THEMIS: variants seen among roughly 807,000 people sequenced by gnomAD.
THEMIS encodes the protein protein THEMIS.
A neutral mutation model predicts 52.6 loss-of-function variants in THEMIS; 37 were observed. That is an observed-to-expected ratio of 0.70 (90% CI 0.54 to 0.93). The LOEUF is 0.93. Ranked by LOEUF, THEMIS falls within the 40% of genes least tolerant of loss-of-function variation. The pLI is 0.00. For synonymous variants in THEMIS, 292 were observed against 272.7 expected (o/e 1.07, Z -0.70); for missense variants, 808 against 763.1 (o/e 1.06, Z -0.69).
At chr6:127,917,334 G>A (rs1781548260) in intron 1 of THEMIS, among the ~76,000 whole-genome samples, 1 of 152,154 alleles carries the variant, frequency 6.6e-6, no homozygotes, top group African/African-American at 2.4e-5. Flanking sequence ...TATCAATTAG[G>A]ATCCTTTGGT....
intron 4 of THEMIS, among the ~76,000 whole-genome samples, chr6:127,804,544 T>A (rs540188856): frequency 6.6e-6 from 1 of 152,114 alleles, no homozygotes; most frequent in African/African-American, 2.4e-5. Flanking sequence ...TTACAAAAGA[T>A]TGAGATCAGT....
At chr6:127,730,318 G>GAAAAGAAAAAAA (rs1456074763) in intron 4 of THEMIS, among the ~76,000 whole-genome samples, 4 of 116,958 alleles carry the variant, frequency 3.4e-5, no homozygotes, top group African/African-American at 1.5e-4. Flanking sequence ...AAAGAAAAGA[G>GAAAAGAAAAAAA]AAAAAAAGAA....
chr6:127,717,259 A>G (rs1774201159), intron 5 of THEMIS, among the ~76,000 whole-genome samples: 1 of 151,902 alleles, frequency 6.6e-6, no homozygotes, highest in Admixed American at 6.6e-5. Context: ...AAATAAAGGA[A>G]TAGTCTTAAA....
intron 3 of THEMIS, among the ~76,000 whole-genome samples, chr6:127,819,311 T>C (rs1778253185): frequency 1.3e-5 from 2 of 151,830 alleles, no homozygotes; most frequent in East Asian, 1.9e-4. Context: ...CATAATATAA[T>C]ATCCAAGAAA....
At chr6:127,744,922 G>A (rs979276113) in intron 4 of THEMIS, among the ~76,000 whole-genome samples, 1 of 151,770 alleles carries the variant, frequency 6.6e-6, no homozygotes, top group African/African-American at 2.4e-5. Flanking sequence ...CCTTGATTGA[G>A]ATATAATTGT....
At chr6:127,860,993 A>G (rs1779780216) in intron 1 of THEMIS, among the ~76,000 whole-genome samples, 1 of 152,196 alleles carries the variant, frequency 6.6e-6, no homozygotes, top group African/African-American at 2.4e-5. Context: ...TATGAAATAA[A>G]TATCCCTCCT....
chr6:127,790,708 C>T (rs920052530), intron 4 of THEMIS, among the ~76,000 whole-genome samples: 2 of 152,148 alleles, frequency 1.3e-5, no homozygotes, highest in Non-Finnish European at 2.9e-5. Flanking sequence ...ACTCAGCTTG[C>T]GTGACAAACC....
intron 3 of THEMIS, among the ~76,000 whole-genome samples, chr6:127,819,078 C>T (rs1263301410): frequency 8.1e-6 from 1 of 123,342 alleles, no homozygotes; most frequent in Non-Finnish European, 1.6e-5. Flanking sequence ...CAAGATCATG[C>T]CACTGCACTC....
intron 4 of THEMIS, among the ~76,000 whole-genome samples, chr6:127,784,955 CTATCT>C (rs1776875777): frequency 1.3e-4 from 1 of 7,818 alleles, no homozygotes; most frequent in African/African-American, 4.2e-4. Flanking sequence ...GTCACACTAT[CTATCT>C]ATCTATCTAT....
chr6:127,752,586 T>A (rs146611987), intron 4 of THEMIS, among the ~76,000 whole-genome samples: 1 of 151,700 alleles, frequency 6.6e-6, no homozygotes, highest in Non-Finnish European at 1.5e-5. Context: ...AATTTATGCT[T>A]GCCCTCCTAG....
At chr6:127,740,211 G>A (rs192566251) in intron 4 of THEMIS, among the ~76,000 whole-genome samples, 200 of 152,142 alleles carry the variant, frequency 1.3e-3, no homozygotes, top group South Asian at 2.7e-3. Context: ...GGGCAGGTGG[G>A]AACAAAGGAC....
At chr6:127,713,504 A>G (rs1774054125) in intron 5 of THEMIS, among the ~76,000 whole-genome samples, 1 of 151,906 alleles carries the variant, frequency 6.6e-6, no homozygotes, top group African/African-American at 2.4e-5. Context: ...CTGCCTTCAT[A>G]GTGACCTTAT....
chr6:127,831,494 A>G lies in THEMIS; in HGVS notation c.251-1560T>C, dbSNP rs887127651. 1.8e-4 allele frequency among the ~76,000 whole-genome samples: 27 copies of G among 152,188 alleles called. 1 individual carries two copies. The highest frequency in any genetic ancestry group is 5.9e-5 in the Non-Finnish European group (4 of 68,012). On this transcript the variant is annotated intron_variant, in intron 2 of 5. Coordinates refer to ENST00000368248, the MANE Select transcript of THEMIS (RefSeq NM_001010923.3). ...TTAGTAAAATTATATAGCTTCAAAA[A>G]GTCATTTATTATTTTGTCAACAAGT...
intron 5 of THEMIS, among the ~76,000 whole-genome samples, chr6:127,711,167 A>T (rs1280255627): frequency 6.6e-6 from 1 of 151,398 alleles, no homozygotes; most frequent in Non-Finnish European, 1.5e-5. Flanking sequence ...ACTAACCTTT[A>T]TATGCCTCAT....
At chr6:127,782,521 G>A (rs978761828) in intron 4 of THEMIS, among the ~76,000 whole-genome samples, 4 of 152,194 alleles carry the variant, frequency 2.6e-5, no homozygotes, top group African/African-American at 9.6e-5. Flanking sequence ...TCATGACACA[G>A]TTCCTCACAG....
chr6:127,907,947 A>G (rs1409526414), intron 1 of THEMIS, among the ~76,000 whole-genome samples: 1 of 152,050 alleles, frequency 6.6e-6, no homozygotes, highest in Non-Finnish European at 1.5e-5. Flanking sequence ...ATAAGAATGA[A>G]TATGAATTAT....
rs1287590819 is a variant in THEMIS at position 127,874,602 on chromosome 6, G to A, written c.92-19414C>T. ...CCAATATATTTATTTTTAAAAATCT[G>A]CATATAAGTGGACCCACAAAATTCA... On this transcript the variant is annotated intron_variant, in intron 1 of 5. Transcript: ENST00000368248. Among the ~76,000 whole-genome samples the A allele has an allele frequency of 2.0e-5, 3 of 152,108 alleles. No homozygotes were observed. In the South Asian group the frequency reaches 6.2e-4, roughly 32 times the overall value.
At chr6:127,745,417 A>G (rs1217496154) in intron 4 of THEMIS, among the ~76,000 whole-genome samples, 2 of 151,910 alleles carry the variant, frequency 1.3e-5, no homozygotes, top group African/African-American at 4.8e-5. Context: ...AAAAAAGTTG[A>G]CATATGATGT....
At chr6:127,854,886 A>G in intron 2 of THEMIS, 144 bp downstream of exon 2, 4 of 617,988 alleles carry the variant, frequency 6.5e-6, no homozygotes, top group Non-Finnish European at 9.8e-6. Context: ...TCTTAAAATG[A>G]TCAAACTATA....
Sources: gnomAD v4.1 joint callset for allele counts (sites outside exome capture counted in the v4.1 genomes callset) on GRCh38, gnomAD v4.1.1 for gene constraint, MANE v1.5 for transcripts, NCBI Gene and HGNC (gene_info 2026-07-23, HGNC 2026-07-21) for gene names.